RYR2: variants seen among roughly 807,000 people sequenced by gnomAD.
RYR2 encodes the protein ryanodine receptor 2, also known as cardiac muscle ryanodine receptor-calcium release channel.
RYR2 carries 227 observed loss-of-function variants against 601.1 expected under a neutral mutation model. That is an observed-to-expected ratio of 0.38 (90% CI 0.34 to 0.42). The LOEUF is 0.42. Ranked by LOEUF, RYR2 falls within the 10% of genes least tolerant of loss-of-function variation. The pLI is 1.00. For missense variants in RYR2, 4,646 were observed against 6,156.5 expected (o/e 0.75, Z 8.21); for synonymous variants, 2,223 against 2,175.1 (o/e 1.02, Z -0.61).
intron 25 of RYR2, among the ~76,000 whole-genome samples, chr1:237,541,407 T>C (rs1331292206): frequency 1.3e-5 from 2 of 152,220 alleles, no homozygotes; most frequent in Non-Finnish European, 2.9e-5. Flanking sequence ...TCCAATGTCA[T>C]CTTCTCAAGT....
In RYR2 at chr1:237,589,863, C is replaced by T; in HGVS notation, c.3669C>T (p.Thr1223=). The change falls in exon 30 of 105, where the codon ACC becomes ACT. Residue 1223 remains threonine, a synonymous_variant. Transcript: ENST00000366574. The part of the protein sequence containing the change: ...GRMNFGKDVS[T]LKYFTICGLQ... ...TGAACTTTGGAAAGGATGTCAGCAC[C>T]TTGAAATATTTCACCATCTGTGGCT... The T allele has an allele frequency of 6.2e-7, 1 of 1,613,774 alleles. No individual in the cohort carries two copies. Among genetic ancestry groups the T allele is most frequent in the Non-Finnish European group, 8.5e-7 (1 of 1,179,860 alleles).
At chr1:237,508,051 C>A (rs1665450619) in intron 23 of RYR2, among the ~76,000 whole-genome samples, 1 of 152,130 alleles carries the variant, frequency 6.6e-6, no homozygotes, top group Non-Finnish European at 1.5e-5. Flanking sequence ...GCAACCTCCA[C>A]CTACCCGGTT....
At chr1:237,382,139 T>C (rs1701573618) in intron 8 of RYR2, among the ~76,000 whole-genome samples, 1 of 152,194 alleles carries the variant, frequency 6.6e-6, no homozygotes, top group South Asian at 2.1e-4. Context: ...GATTGGATTG[T>C]TTGCACTGGA....
chr1:237,402,056 A>G (rs1383340976), intron 10 of RYR2, among the ~76,000 whole-genome samples: 1 of 152,210 alleles, frequency 6.6e-6, no homozygotes, highest in Non-Finnish European at 1.5e-5. Flanking sequence ...GTACTGAAAA[A>G]GGCACATAGA....
At chr1:237,157,332 A>T (rs938744932) in intron 1 of RYR2, among the ~76,000 whole-genome samples, 1 of 150,888 alleles carries the variant, frequency 6.6e-6, no homozygotes, top group Admixed American at 6.6e-5. Flanking sequence ...GAAAGAAAGA[A>T]AGAAAGAAAA....
At chr1:237,596,296 A>G (rs1258561607) in intron 34 of RYR2, among the ~76,000 whole-genome samples, 1 of 152,220 alleles carries the variant, frequency 6.6e-6, no homozygotes, top group African/African-American at 2.4e-5. Flanking sequence ...ATACTTCAAC[A>G]AGATTAGGAA....
At chr1:237,535,100 G>A (rs970020265) in intron 25 of RYR2, among the ~76,000 whole-genome samples, 8 of 151,132 alleles carry the variant, frequency 5.3e-5, no homozygotes, top group Non-Finnish European at 7.4e-5. Context: ...AACAATAATG[G>A]AAAAGGAAAA....
At chr1:237,676,798 T>C (rs991294273) in intron 60 of RYR2, among the ~76,000 whole-genome samples, 2 of 152,166 alleles carry the variant, frequency 1.3e-5, no homozygotes, top group Admixed American at 6.5e-5. Context: ...GATTGTAATC[T>C]CTCCACATCT....
chr1:237,263,364 AAT>A (rs1688729150), intron 1 of RYR2, among the ~76,000 whole-genome samples: 1 of 152,222 alleles, frequency 6.6e-6, no homozygotes, highest in South Asian at 2.1e-4. Flanking sequence ...AGTGTTAGAC[AAT>A]AGAGATGTAC....
chr1:237,328,615 C>A (rs1011744315), intron 2 of RYR2, among the ~76,000 whole-genome samples: 15 of 150,314 alleles, frequency 1.0e-4, no homozygotes, highest in African/African-American at 2.0e-4. Context: ...AAAAAAAAAA[C>A]AAAACAGAAC....
chr1:237,641,493 C>CTTTCTTTCTTTCTT lies in RYR2; in HGVS notation c.7221+493_7221+506dup, dbSNP rs1553265013. On this transcript the variant is annotated intron_variant, in intron 47 of 104. Transcript: ENST00000366574. ...TCTGTCTTTCTTTCTTTCTTTCTTT[C>CTTTCTTTCTTTCTT]TTTCTTTCTTTCTTTCTTTCTTTCT... Among the ~76,000 whole-genome samples the CTTTCTTTCTTTCTT allele has an allele frequency of 5.9e-3, 834 of 142,080 alleles. 4 individuals carry two copies. Among genetic ancestry groups the CTTTCTTTCTTTCTT allele is most frequent in the Non-Finnish European group, 8.2e-3 (534 of 65,362 alleles). 93.2% of individuals were successfully genotyped at this position (142,080 alleles called of 152,430 possible). A position where few individuals can be genotyped will look rare whatever the true frequency, so the allele number is the denominator to read the frequency against.
chr1:237,676,855 C>T (rs1189181958), intron 60 of RYR2, among the ~76,000 whole-genome samples: 2 of 152,080 alleles, frequency 1.3e-5, no homozygotes, highest in African/African-American at 4.8e-5. Context: ...TAGTAAAAGA[C>T]ATTTCCTATT....
At chr1:237,332,757 GA>G in intron 3 of RYR2, among the ~76,000 whole-genome samples, 1 of 152,264 alleles carries the variant, frequency 6.6e-6, no homozygotes, top group South Asian at 2.1e-4. Context: ...ACAACTTTGA[GA>G]AGATCTTTTA....
At chr1:237,507,127 G>T (rs535196909) in intron 23 of RYR2, among the ~76,000 whole-genome samples, 1 of 152,284 alleles carries the variant, frequency 6.6e-6, no homozygotes, top group South Asian at 2.1e-4. Context: ...TGATTTTTAA[G>T]CCACTTAAAA....
At chr1:237,313,801 T>C (rs1694812713) in intron 2 of RYR2, among the ~76,000 whole-genome samples, 1 of 152,160 alleles carries the variant, frequency 6.6e-6, no homozygotes, top group Non-Finnish European at 1.5e-5. Flanking sequence ...TAGGGGTTAC[T>C]GAAAGTAACC....
intron 40 of RYR2, among the ~76,000 whole-genome samples, 187 bp downstream of exon 40, chr1:237,625,991 C>T (rs967650005): frequency 1.3e-5 from 2 of 152,152 alleles, no homozygotes; most frequent in Admixed American, 6.5e-5. Context: ...TGTATAGCAA[C>T]AGACTGAGAG....
intron 101 of RYR2, among the ~76,000 whole-genome samples, chr1:237,822,567 G>A (rs1489945923): frequency 1.3e-5 from 2 of 152,158 alleles, no homozygotes; most frequent in Non-Finnish European, 2.9e-5. Context: ...ACCAGCCACT[G>A]CAAAAACATA....
chr1:237,606,833 A>G (rs1029084561), intron 35 of RYR2, among the ~76,000 whole-genome samples: 2 of 152,228 alleles, frequency 1.3e-5, no homozygotes, highest in South Asian at 2.1e-4. Flanking sequence ...AATGCTCATC[A>G]TCAATGGCCA....
At chr1:237,481,421 T>C (rs964188896) in intron 17 of RYR2, among the ~76,000 whole-genome samples, 1 of 152,208 alleles carries the variant, frequency 6.6e-6, no homozygotes, top group African/African-American at 2.4e-5. Context: ...CAGTTTGTGA[T>C]ACACAAAATT....
Sources: allele counts gnomAD v4.1 joint callset (sites outside exome capture counted in the v4.1 genomes callset), GRCh38; gene constraint gnomAD v4.1.1; transcripts MANE v1.5; gene names NCBI Gene and HGNC (gene_info 2026-07-23, HGNC 2026-07-21).